DOP1B: variants seen among roughly 807,000 people sequenced by gnomAD.
DOP1B encodes DOP1 leucine zipper like protein B.
Under a neutral mutation model 233.5 loss-of-function variants are expected in DOP1B, and 174 were observed. The ratio of observed to expected loss-of-function variants is 0.75; its 90% CI spans 0.66 to 0.85. The LOEUF (loss-of-function observed/expected upper bound fraction) is 0.85, where lower values mean the gene tolerates loss of function less well. Ranked by LOEUF, DOP1B falls within the 40% of genes least tolerant of loss-of-function variation. The pLI is 0.00. For missense variants in DOP1B, 2,652 were observed against 2,846.6 expected (o/e 0.93, Z 1.56); for synonymous variants, 1,190 against 1,185.6 (o/e 1.00, Z -0.08).
At chr21:36,174,799 C>A (rs147856449) in intron 2 of DOP1B, among the ~76,000 whole-genome samples, 1 of 152,184 alleles carries the variant, frequency 6.6e-6, no homozygotes. Context: ...CGTGCCTGGC[C>A]GGGATCCTGA....
chr21:36,213,961 T>C, intron 7 of DOP1B, 120 bp from the exon 8 acceptor site: 1 of 768,004 alleles, frequency 1.3e-6, no homozygotes, highest in Non-Finnish European at 2.1e-6. Flanking sequence ...CTGGATCTGA[T>C]TTTGGTTTTC....
At chr21:36,190,578 A>G (rs749745414) in intron 2 of DOP1B, among the ~76,000 whole-genome samples, 1 of 151,856 alleles carries the variant, frequency 6.6e-6, no homozygotes, top group African/African-American at 2.4e-5. Flanking sequence ...TTGTATTTTT[A>G]GTAGGGACAG....
At position 36,208,919 on chromosome 21, in the gene DOP1B, C is replaced by T. The variant is rs1224089818; in HGVS notation, c.681+15C>T. The T allele has an allele frequency of 1.3e-6, 2 of 1,494,654 alleles. No individual in the cohort carries two copies. The highest frequency in any genetic ancestry group is 2.9e-5 in the African/African-American group (2 of 69,744). The allele number at this position is 1,494,654 out of a possible 1,614,324, so 92.6% of individuals were successfully genotyped here. A position where few individuals can be genotyped will look rare whatever the true frequency, so the allele number is the denominator to read the frequency against. On this transcript the variant is annotated intron_variant, in intron 5 of 36. Transcript: ENST00000691173. ...ACCAACTCACGGTGGGTGCTGTGTT[C>T]CTCACAGGGCATGGGGAGGAGGCGA... is the stretch of plus-strand genomic sequence containing the variant.
At position 36,199,153 on chromosome 21, in the gene DOP1B, C is replaced by G. The variant is rs370003958; in HGVS notation, c.222C>G (p.Ala74=). 48 of 1,614,026 alleles carry G rather than the reference C, an allele frequency of 3.0e-5. 1 individual carries two copies. In the South Asian group the frequency reaches 4.3e-4, roughly 14 times the overall value. Residue 74 remains alanine (A), a synonymous_variant, in exon 3 of 37, where the codon GCC becomes GCG. Transcript: ENST00000691173. The part of the protein sequence containing the change: ...SKRLAQCLHP[A]LPSGVHLKAL... ...GATTAGCTCAGTGTTTGCACCCTGC[C>G]CTGCCCAGTGGTGTCCACTTAAAAG... is the stretch of plus-strand genomic sequence containing the variant.
chr21:36,293,178 C>A (rs920516272), intron 36 of DOP1B, 142 bp from the exon 37 acceptor site: 4 of 856,164 alleles, frequency 4.7e-6, no homozygotes, highest in African/African-American at 1.7e-5. Flanking sequence ...TGCACTCCAG[C>A]CTGGGCGACA....
At chr21:36,237,616 A>G (rs1226036076) in intron 16 of DOP1B, among the ~76,000 whole-genome samples, 3 of 152,226 alleles carry the variant, frequency 2.0e-5, no homozygotes, top group South Asian at 2.1e-4. Context: ...AGCCCTGGAA[A>G]TGTGGTTTGT....
intron 2 of DOP1B, among the ~76,000 whole-genome samples, chr21:36,193,134 T>G (rs73902186): frequency 0.23 from 35,178 of 152,116 alleles, 4,457 homozygotes; most frequent in African/African-American, 0.33. Flanking sequence ...AAGGGGTGAA[T>G]AAGTAATATC....
chr21:36,218,165 A>G (rs890111032), intron 9 of DOP1B, among the ~76,000 whole-genome samples: 9 of 152,196 alleles, frequency 5.9e-5, no homozygotes, highest in African/African-American at 2.2e-4. Flanking sequence ...TTCCTCCTCC[A>G]TCAATCAAGG....
chr21:36,292,908 C>A lies in DOP1B; in HGVS notation c.6646-412C>A, dbSNP rs138126641. On this transcript the variant is annotated intron_variant, in intron 36 of 36. Coordinates refer to ENST00000691173, the MANE Select transcript of DOP1B (RefSeq NM_001320714.2). ...GGATTACAGGCGAGAGCCACCGTGT[C>A]CAGCCTGCTTTTCTTTTTAAAAATT... 9.5e-3 allele frequency among the ~76,000 whole-genome samples: 1,441 copies of A among 152,200 alleles called. 26 individuals are homozygous for A. Among genetic ancestry groups the A allele is most frequent in the African/African-American group, 0.033 (1,369 of 41,538 alleles).
chr21:36,253,720 AT>A (rs2067058115), intron 22 of DOP1B, 51 bp from the exon 23 acceptor site: 2 of 1,581,040 alleles, frequency 1.3e-6, no homozygotes, highest in Non-Finnish European at 1.7e-6. Context: ...TGTCATCCTT[AT>A]TTTTACTTTC....
At chr21:36,235,224 C>A (rs2066811957) in intron 15 of DOP1B, among the ~76,000 whole-genome samples, 1 of 152,162 alleles carries the variant, frequency 6.6e-6, no homozygotes, top group Non-Finnish European at 1.5e-5. Flanking sequence ...TCTCAGACTC[C>A]AGACAGGGCT....
chr21:36,278,387 C>T, intron 30 of DOP1B, 32 bp downstream of exon 30: 1 of 1,582,488 alleles, frequency 6.3e-7, no homozygotes, highest in Non-Finnish European at 8.6e-7. Flanking sequence ...ACAACGTGCT[C>T]TGAATCTTCA....
chr21:36,292,731 C>G (rs570100344), intron 36 of DOP1B, among the ~76,000 whole-genome samples: 9 of 151,594 alleles, frequency 5.9e-5, no homozygotes, highest in Non-Finnish European at 1.0e-4. Flanking sequence ...CGCACCTCAG[C>G]TTCCCAAGTA....
At chr21:36,202,799 G>A (rs2066384182) in intron 4 of DOP1B, among the ~76,000 whole-genome samples, 1 of 152,152 alleles carries the variant, frequency 6.6e-6, no homozygotes, top group South Asian at 2.1e-4. Flanking sequence ...GCTGGTACAC[G>A]GTGAGACTCG....
intron 36 of DOP1B, among the ~76,000 whole-genome samples, chr21:36,292,987 G>A (rs530908359): frequency 2.6e-5 from 4 of 151,932 alleles, no homozygotes; most frequent in East Asian, 1.9e-4. Context: ...TGGGCAGATC[G>A]CCTGAGGTCA....
chr21:36,208,712 C>T lies in DOP1B; in HGVS notation c.492-3C>T. 2 of 1,612,342 alleles carry T rather than the reference C, an allele frequency of 1.2e-6. No individual in the cohort carries two copies. The highest frequency in any genetic ancestry group is 1.7e-6 in the Non-Finnish European group (2 of 1,179,222). ...CTTGAACCCTATCCTCTCTCATCAA[C>T]AGAACGGATGCTCTGCTCCTGAGAC... On this transcript the variant is annotated splice_region_variant and splice_polypyrimidine_tract_variant and intron_variant, in intron 4 of 36. Coordinates refer to ENST00000691173, the MANE Select transcript of DOP1B (RefSeq NM_001320714.2).
chr21:36,171,423 C>G (rs958578636), intron 2 of DOP1B, among the ~76,000 whole-genome samples: 1 of 152,186 alleles, frequency 6.6e-6, no homozygotes, highest in Non-Finnish European at 1.5e-5. Context: ...CTTAGTACCT[C>G]AGTATGTAAC....
chr21:36,270,057 C>T lies in DOP1B; in HGVS notation c.5532C>T (p.Gly1844=). The T allele has an allele frequency of 6.2e-7, 1 of 1,614,150 alleles. No homozygotes were observed. Among genetic ancestry groups the T allele is most frequent in the South Asian group, 1.1e-5 (1 of 91,080 alleles). ...TAGAAGCTGTGGGGAACATTGCCGG[C>T]TCTTCCTTGGAGCAAACCAGCTGGC... ...KILEAVGNIA[G]SSLEQTSWLS... The change falls in exon 27 of 37, where the codon GGC becomes GGT. Residue 1844 remains glycine (G), a synonymous_variant. Coordinates refer to ENST00000691173, the MANE Select transcript of DOP1B (RefSeq NM_001320714.2).
chr21:36,208,277 T>G (rs1219403344), intron 4 of DOP1B, among the ~76,000 whole-genome samples: 1 of 152,210 alleles, frequency 6.6e-6, no homozygotes, highest in Non-Finnish European at 1.5e-5. Context: ...ATTGCTTAAG[T>G]CTTTGATCAG....
Sources: allele counts gnomAD v4.1 joint callset (sites outside exome capture counted in the v4.1 genomes callset), GRCh38; gene constraint gnomAD v4.1.1; transcripts MANE v1.5; gene names NCBI Gene and HGNC (gene_info 2026-07-23, HGNC 2026-07-21).